Variants in UBE2R2 observed in about 807,000 individuals in gnomAD.
The protein encoded by UBE2R2 is ubiquitin conjugating enzyme E2 R2, also known as ubiquitin-conjugating enzyme E2 R2.
In UBE2R2, 1 loss-of-function variant was observed where a neutral mutation model predicts 27.8. The ratio of observed to expected loss-of-function variants is 0.04; its 90% CI spans 0.01 to 0.17. The LOEUF (loss-of-function observed/expected upper bound fraction) is 0.17. UBE2R2 is among the 10% of genes least tolerant of loss of function. The pLI is 1.00. For missense variants in UBE2R2, 100 were observed against 291.0 expected (o/e 0.34, Z 4.78); for synonymous variants, 106 against 113.3 (o/e 0.94, Z 0.41).
intron 1 of UBE2R2, among the ~76,000 whole-genome samples, chr9:33,843,189 C>T (rs1188604659): frequency 1.3e-5 from 2 of 151,366 alleles, no homozygotes; most frequent in Non-Finnish European, 2.9e-5. Flanking sequence ...GCTGGGATTA[C>T]AGACATGCGC....
intron 2 of UBE2R2, among the ~76,000 whole-genome samples, chr9:33,887,889 C>A (rs933227027): frequency 6.6e-6 from 1 of 152,128 alleles, no homozygotes; most frequent in Non-Finnish European, 1.5e-5. Flanking sequence ...GTTGGCCAGG[C>A]TGTTCTTGAA....
chr9:33,826,474 G>A (rs1031180428), intron 1 of UBE2R2, among the ~76,000 whole-genome samples: 1 of 151,648 alleles, frequency 6.6e-6, no homozygotes, highest in Non-Finnish European at 1.5e-5. Flanking sequence ...CGAGGCAGGC[G>A]GATCACGAGG....
At chr9:33,834,901 ACT>A (rs1820581518) in intron 1 of UBE2R2, among the ~76,000 whole-genome samples, 1 of 148,294 alleles carries the variant, frequency 6.7e-6, no homozygotes, top group African/African-American at 2.5e-5. Context: ...CAAGACCGAA[ACT>A]CTGTCTCAGG....
At chr9:33,851,739 A>G (rs1004660666) in intron 1 of UBE2R2, among the ~76,000 whole-genome samples, 2 of 152,166 alleles carry the variant, frequency 1.3e-5, no homozygotes, top group African/African-American at 2.4e-5. Context: ...TTGAAACTAC[A>G]TAAACATCCT....
chr9:33,886,999 A>G (rs1156808945), intron 2 of UBE2R2, 32 bp downstream of exon 2: 2 of 1,556,340 alleles, frequency 1.3e-6, no homozygotes, highest in Admixed American at 2.1e-5. Flanking sequence ...ATTTCTCTGA[A>G]GATTTTTTTT....
intron 2 of UBE2R2, among the ~76,000 whole-genome samples, chr9:33,898,384 T>C (rs893704443): frequency 6.6e-6 from 1 of 152,074 alleles, no homozygotes; most frequent in African/African-American, 2.4e-5. Context: ...CTGGCCTCTC[T>C]CTTCTTTTAT....
At chr9:33,827,876 C>T (rs1044865315) in intron 1 of UBE2R2, among the ~76,000 whole-genome samples, 5 of 151,180 alleles carry the variant, frequency 3.3e-5, no homozygotes, top group East Asian at 1.9e-4. Flanking sequence ...GAGGCTGAGG[C>T]GGGTGAATTG....
At chr9:33,855,617 C>T (rs180805708) in intron 1 of UBE2R2, among the ~76,000 whole-genome samples, 89 of 152,316 alleles carry the variant, frequency 5.8e-4, no homozygotes, top group Admixed American at 1.9e-3. Context: ...TGATTGCTGT[C>T]ATTTTACCAT....
At chr9:33,906,389 T>C (rs984344503) in intron 3 of UBE2R2, among the ~76,000 whole-genome samples, 24 of 152,166 alleles carry the variant, frequency 1.6e-4, no homozygotes, top group African/African-American at 5.8e-4. Context: ...CCCAAAGTGC[T>C]GGGATTATAC....
At chr9:33,900,151 A>T (rs1200521831) in intron 2 of UBE2R2, 23 bp from the exon 3 acceptor site, 1 of 1,586,084 alleles carries the variant, frequency 6.3e-7, no homozygotes, top group South Asian at 1.1e-5. Context: ...GTATTTACTG[A>T]ATGTAATGTT....
chr9:33,841,346 C>G (rs1162638993), intron 1 of UBE2R2, among the ~76,000 whole-genome samples: 2 of 152,162 alleles, frequency 1.3e-5, no homozygotes, highest in Admixed American at 6.6e-5. Context: ...TCCCAAAGTG[C>G]TGGGATTACG....
At chr9:33,833,099 G>A (rs747314216) in intron 1 of UBE2R2, among the ~76,000 whole-genome samples, 3 of 152,030 alleles carry the variant, frequency 2.0e-5, no homozygotes, top group Non-Finnish European at 2.9e-5. Context: ...GGATTTTGCT[G>A]TATTGCCCAG....
chr9:33,907,061 AG>A (rs2130816393), intron 3 of UBE2R2, among the ~76,000 whole-genome samples: 1 of 152,356 alleles, frequency 6.6e-6, no homozygotes, highest in African/African-American at 2.4e-5. Context: ...TGAGCTCTGC[AG>A]AACTTCACAG....
intron 1 of UBE2R2, among the ~76,000 whole-genome samples, chr9:33,869,749 C>T (rs914001940): frequency 7.2e-5 from 11 of 151,952 alleles, no homozygotes; most frequent in African/African-American, 2.2e-4. Flanking sequence ...CGTGCCTGGC[C>T]GGGACATAAT....
At chr9:33,844,539 T>C (rs1002024927) in intron 1 of UBE2R2, among the ~76,000 whole-genome samples, 2 of 125,078 alleles carry the variant, frequency 1.6e-5, no homozygotes, top group Non-Finnish European at 3.5e-5. Context: ...TTTTTTTTTT[T>C]ACCATCAGTT....
At chr9:33,896,175 T>C (rs929728370) in intron 2 of UBE2R2, among the ~76,000 whole-genome samples, 2 of 152,198 alleles carry the variant, frequency 1.3e-5, no homozygotes, top group Non-Finnish European at 2.9e-5. Flanking sequence ...TGAGTTTTGA[T>C]TATGTATCCT....
intron 3 of UBE2R2, among the ~76,000 whole-genome samples, chr9:33,906,351 A>G (rs916773773): frequency 3.9e-5 from 6 of 152,060 alleles, no homozygotes; most frequent in African/African-American, 1.4e-4. Flanking sequence ...TGAACTCCCA[A>G]CCTCAGGTGA....
chr9:33,895,768 CTTTT>C (rs776870484), intron 2 of UBE2R2, among the ~76,000 whole-genome samples: 1 of 90,270 alleles, frequency 1.1e-5, no homozygotes, highest in African/African-American at 4.6e-5. Flanking sequence ...CTCTCTCTCT[CTTTT>C]TTTTTTTTTT....
At chr9:33,879,252 G>T (rs1165475038) in intron 1 of UBE2R2, among the ~76,000 whole-genome samples, 1 of 151,998 alleles carries the variant, frequency 6.6e-6, no homozygotes, top group African/African-American at 2.4e-5. Context: ...TCAATCAGTC[G>T]ATCAATATAA....
Sources: allele counts gnomAD v4.1 joint callset (sites outside exome capture counted in the v4.1 genomes callset), GRCh38; gene constraint gnomAD v4.1.1; transcripts MANE v1.5; gene names NCBI Gene and HGNC (gene_info 2026-07-23, HGNC 2026-07-21).